Variants in RPF2 observed in about 807,000 individuals in gnomAD.
RPF2 encodes the protein brix domain containing 1.
A neutral mutation model predicts 38.9 loss-of-function variants in RPF2; 21 were observed. The observed-to-expected ratio is 0.54, with a 90% CI of 0.38 to 0.78. The LOEUF is 0.78. RPF2 is among the 30% of genes least tolerant of loss of function. The pLI is 0.00. For missense variants in RPF2, 314 were observed against 358.1 expected (o/e 0.88, Z 0.99); for synonymous variants, 121 against 126.2 (o/e 0.96, Z 0.28).
intron 6 of RPF2, 59 bp from the exon 7 acceptor site, chr6:111,007,979 A>T (rs1201394931): frequency 1.2e-5 from 17 of 1,457,654 alleles, no homozygotes; most frequent in Non-Finnish European, 1.5e-5. Context: ...AAACAAAATC[A>T]ATATATAAAC....
At chr6:111,023,001 C>T (rs1460894320) in intron 8 of RPF2, among the ~76,000 whole-genome samples, 2 of 152,224 alleles carry the variant, frequency 1.3e-5, no homozygotes, top group African/African-American at 4.8e-5. Flanking sequence ...TGGGTTTAAG[C>T]GATTCTCCTG....
At chr6:111,012,116 T>C (rs1180268443) in intron 7 of RPF2, among the ~76,000 whole-genome samples, 1 of 151,960 alleles carries the variant, frequency 6.6e-6, no homozygotes, top group Non-Finnish European at 1.5e-5. Flanking sequence ...GTTAACTTTT[T>C]TTCATGCAAG....
At position 111,011,276 on chromosome 6, in the gene RPF2, TTTTCTTTC is replaced by T. The variant is rs71553323; in HGVS notation, c.493+3167_493+3174del. Among the ~76,000 whole-genome samples the T allele has an allele frequency of 1.8e-3, 245 of 133,556 alleles. 2 individuals carry two copies. The highest frequency in any genetic ancestry group is 4.4e-3 in the East Asian group (21 of 4,754). The allele number at this position is 133,556 out of a possible 152,430, so 87.6% of individuals were successfully genotyped here. ...ATATATCCCAAATTATCAAGGGTAT[TTTTCTTTC>T]TTTCTTTCTTTCTTTCTTTCTTTCT... On this transcript the variant is annotated intron_variant, in intron 7 of 9. Coordinates refer to ENST00000441448, the MANE Select transcript of RPF2 (RefSeq NM_032194.3).
In RPF2 at chr6:110,982,240, G is replaced by A. The variant is rs987611541; in HGVS notation, c.23+111G>A. ...TCCTGGTTACCCCTCTAATTACCTG[G>A]GTGGGGGCCGATCGATCACCAGCCC... On this transcript the variant is annotated intron_variant, in intron 1 of 9. Transcript: ENST00000441448. 244 of 1,247,374 alleles carry A rather than the reference G, an allele frequency of 2.0e-4. 1 individual carries two copies. Among genetic ancestry groups the A allele is most frequent in the South Asian group, 2.9e-4 (24 of 82,018 alleles). 77.3% of individuals were successfully genotyped at this position (1,247,374 alleles called of 1,614,324 possible).
intron 2 of RPF2, among the ~76,000 whole-genome samples, chr6:110,988,685 G>A (rs1771566508): frequency 6.6e-6 from 1 of 152,050 alleles, no homozygotes; most frequent in Non-Finnish European, 1.5e-5. Flanking sequence ...GATCTGCCTT[G>A]TCCTCCCAAA....
At chr6:111,019,702 G>T (rs1031417191) in intron 8 of RPF2, among the ~76,000 whole-genome samples, 1 of 152,058 alleles carries the variant, frequency 6.6e-6, no homozygotes, top group African/African-American at 2.4e-5. Context: ...TCCAGCCTGG[G>T]CAACAAGAGT....
At chr6:110,994,105 T>C (rs1272322043) in intron 4 of RPF2, among the ~76,000 whole-genome samples, 1 of 152,062 alleles carries the variant, frequency 6.6e-6, no homozygotes, top group East Asian at 1.9e-4. Flanking sequence ...GGATAAACCC[T>C]GTCTCTATTA....
At chr6:110,992,792 A>G (rs1771642064) in intron 4 of RPF2, among the ~76,000 whole-genome samples, 1 of 152,092 alleles carries the variant, frequency 6.6e-6, no homozygotes, top group Non-Finnish European at 1.5e-5. Context: ...GAAAATCATC[A>G]GGGGCCAGAC....
At chr6:111,020,650 C>T (rs892158177) in intron 8 of RPF2, among the ~76,000 whole-genome samples, 1 of 152,054 alleles carries the variant, frequency 6.6e-6, no homozygotes, top group Non-Finnish European at 1.5e-5. Flanking sequence ...CACCTGAGGT[C>T]AGGAGTTTGA....
chr6:111,011,919 G>A (rs986519049), intron 7 of RPF2, among the ~76,000 whole-genome samples: 5 of 152,130 alleles, frequency 3.3e-5, no homozygotes, highest in Non-Finnish European at 1.5e-5. Context: ...AGGTAGAAGA[G>A]GAACAGATTC....
chr6:111,023,703 A>G (rs1417954726), intron 8 of RPF2, among the ~76,000 whole-genome samples: 1 of 152,146 alleles, frequency 6.6e-6, no homozygotes, highest in Non-Finnish European at 1.5e-5. Flanking sequence ...ACTTATAAAG[A>G]AAAGCCGGGC....
intron 5 of RPF2, among the ~76,000 whole-genome samples, chr6:110,997,600 G>GT (rs529894509): frequency 5.2e-4 from 79 of 152,184 alleles, no homozygotes; most frequent in African/African-American, 1.8e-3. Context: ...AATTAGCCAG[G>GT]TGTAGTGGCG....
At chr6:111,016,610 A>ATC (rs1183871565) in intron 8 of RPF2, among the ~76,000 whole-genome samples, 1 of 151,018 alleles carries the variant, frequency 6.6e-6, no homozygotes, top group African/African-American at 2.5e-5. Context: ...CAAAAAACAA[A>ATC]AAACTCTTAA....
intron 4 of RPF2, among the ~76,000 whole-genome samples, chr6:110,996,778 A>G (rs1028071181): frequency 6.6e-6 from 1 of 151,946 alleles, no homozygotes; most frequent in Non-Finnish European, 1.5e-5. Flanking sequence ...CTGGAAGAAA[A>G]AAACTGTTAG....
intron 2 of RPF2, among the ~76,000 whole-genome samples, chr6:110,985,736 G>A (rs754291198): frequency 5.9e-5 from 9 of 152,084 alleles, no homozygotes; most frequent in African/African-American, 1.2e-4. Flanking sequence ...TCAGAAGTTC[G>A]AGACCAGCCT....
chr6:110,985,068 A>C lies in RPF2; in HGVS notation c.86A>C (p.Asn29Thr), dbSNP rs751909852. 9 of 1,613,574 alleles carry C rather than the reference A, an allele frequency of 5.6e-6. No homozygotes were observed. The Admixed American group carries it at 1.5e-4, about 27-fold the overall frequency. ...AAGAGAGAACCGAAACTCAATGAAA[A>C]TATTAAAAATGCCATGCTGATTAAA... ...LEKREPKLNE[N>T]IKNAMLIKGG... is the part of the protein sequence containing the mutation. Residue 29 changes from asparagine (N) to threonine (T), a missense_variant, in exon 2 of 10, where the codon AAT (asparagine) becomes ACT (threonine). By Grantham distance (65) the Asn-to-Thr change is moderately conservative. Coordinates refer to ENST00000441448, the MANE Select transcript of RPF2 (RefSeq NM_032194.3).
Position 110,998,944 on chromosome 6 carries a change from CA to C in RPF2, c.317-748del, listed in dbSNP as rs34900246. 7.0e-3 allele frequency among the ~76,000 whole-genome samples: 604 copies of C among 86,154 alleles called. 1 individual carries two copies. The highest frequency in any genetic ancestry group is 0.01 in the African/African-American group (269 of 26,038). The allele number at this position is 86,154 out of a possible 152,430, so 56.5% of individuals were successfully genotyped here. A position where few individuals can be genotyped will look rare whatever the true frequency, so the allele number is the denominator to read the frequency against. ...TGGGTAACAGAGCAAGTCTTCATCT[CA>C]AAAAAAAAAAAAAAAAAATTTATGT... On this transcript the variant is annotated intron_variant, in intron 5 of 9. Transcript: ENST00000441448.
chr6:110,984,783 T>C (rs1355740717), intron 1 of RPF2, among the ~76,000 whole-genome samples: 1 of 151,932 alleles, frequency 6.6e-6, no homozygotes, highest in Non-Finnish European at 1.5e-5. Flanking sequence ...GATGTTGCAG[T>C]GAGCCAAGAT....
intron 6 of RPF2, among the ~76,000 whole-genome samples, chr6:111,006,313 C>T (rs1771907117): frequency 6.6e-6 from 1 of 151,926 alleles, no homozygotes; most frequent in Non-Finnish European, 1.5e-5. Flanking sequence ...CGGCTCACTA[C>T]AACCTCTGTC....
Sources: gnomAD v4.1 joint callset for allele counts (sites outside exome capture counted in the v4.1 genomes callset) on GRCh38, gnomAD v4.1.1 for gene constraint, MANE v1.5 for transcripts, NCBI Gene and HGNC (gene_info 2026-07-23, HGNC 2026-07-21) for gene names.